The following SSBP3 variants were observed in gnomAD, a reference collection of about 807,000 sequenced individuals.
SSBP3 encodes the protein single-stranded DNA-binding protein 3.
A neutral mutation model predicts 69.6 loss-of-function variants in SSBP3; 5 were observed. That is an observed-to-expected ratio of 0.07 (90% confidence interval 0.04 to 0.15). The LOEUF (loss-of-function observed/expected upper bound fraction) is 0.15, where lower values mean the gene tolerates loss of function less well. SSBP3 is among the 10% of genes least tolerant of loss of function. The probability of loss-of-function intolerance (pLI) is 1.00; values close to 1 mark genes in which losing one functional copy is unlikely to be tolerated. For missense variants in SSBP3, 312 were observed against 534.0 expected (o/e 0.58, Z 4.10); for synonymous variants, 196 against 193.4 (o/e 1.01, Z -0.11).
intron 4 of SSBP3, among the ~76,000 whole-genome samples, chr1:54,350,466 A>C (rs992842394): frequency 6.6e-6 from 1 of 152,240 alleles, no homozygotes; most frequent in African/African-American, 2.4e-5. Context: ...TTCTCAAGTG[A>C]TTAACAGGTC....
chr1:54,273,545 G>C lies in SSBP3; in HGVS notation c.366+7893C>G, dbSNP rs554592470. On this transcript the variant is annotated intron_variant, in intron 5 of 17. Transcript: ENST00000610401. Reference sequence around the variant, plus strand: ...GCTGCCGGGCAGGGAAGGGAGCACAGCCTGACCTTTGCAGGGGAGGTGTTG... The same window carrying C: ...GCTGCCGGGCAGGGAAGGGAGCACACCCTGACCTTTGCAGGGGAGGTGTTG... Among the ~76,000 whole-genome samples the C allele has an allele frequency of 5.9e-5, 9 of 152,326 alleles. No homozygotes were observed. The South Asian group carries it at 1.9e-3, about 32-fold the overall frequency.
intron 4 of SSBP3, among the ~76,000 whole-genome samples, chr1:54,292,161 T>C (rs1427613997): frequency 2.0e-5 from 3 of 152,194 alleles, no homozygotes; most frequent in African/African-American, 7.2e-5. Flanking sequence ...CTTTCTCCCC[T>C]GCACTGCCTA....
intron 4 of SSBP3, among the ~76,000 whole-genome samples, chr1:54,344,551 G>A (rs774571395): frequency 6.6e-6 from 1 of 152,196 alleles, no homozygotes; most frequent in South Asian, 2.1e-4. Context: ...CTGCTTCCCC[G>A]TGATGACTGC....
chr1:54,370,874 C>T lies in SSBP3; in HGVS notation c.276+30987G>A, dbSNP rs371203624. 1.1e-3 allele frequency among the ~76,000 whole-genome samples: 167 copies of T among 151,978 alleles called. 1 individual carries two copies. Among genetic ancestry groups the T allele is most frequent in the African/African-American group, 3.7e-3 (154 of 41,430 alleles). On this transcript the variant is annotated intron_variant, in intron 4 of 17. Coordinates refer to ENST00000610401, the Ensembl canonical transcript of SSBP3. ...CTCAGCTCAATTTTAGACTTGGGAA[C>T]GGTTCCCCCGTCATACAAGATCAAG...
chr1:54,403,194 C>T (rs549204517), intron 3 of SSBP3, among the ~76,000 whole-genome samples: 1 of 152,266 alleles, frequency 6.6e-6, no homozygotes, highest in Non-Finnish European at 1.5e-5. Flanking sequence ...TACGTTCCTG[C>T]GGCTGAGATA....
intron 12 of SSBP3, 101 bp from the exon 13 acceptor site, chr1:54,241,060 A>G (rs2297027): frequency 0.6 from 792,419 of 1,314,584 alleles, 241,570 homozygotes; most frequent in African/African-American, 0.79. Context: ...TGCTCGCCCC[A>G]GGCCCAGCCG....
chr1:54,228,658 C>A, intron 15 of SSBP3, 90 bp downstream of exon 15: 1 of 1,507,548 alleles, frequency 6.6e-7, no homozygotes. Context: ...CCGGCCAGGG[C>A]TCTGTACCAA....
At chr1:54,273,539 A>G (rs1233207842) in intron 5 of SSBP3, among the ~76,000 whole-genome samples, 1 of 152,208 alleles carries the variant, frequency 6.6e-6, no homozygotes, top group Non-Finnish European at 1.5e-5. Context: ...CAGGGAAGGG[A>G]GCACAGCCTG....
In SSBP3 at chr1:54,267,388, C is replaced by A. The variant is rs137875250; in HGVS notation, c.367-9239G>T. On this transcript the variant is annotated intron_variant, in intron 5 of 17. Coordinates refer to ENST00000610401, the Ensembl canonical transcript of SSBP3. The stretch of plus-strand genomic sequence containing the variant: ...TACCCTGAGCTAAGTGCCGGAGACA[C>A]GTGAACAAGCAGTATTCTGCCCTTC... 1.6e-4 allele frequency among the ~76,000 whole-genome samples: 25 copies of A among 152,330 alleles called. 1 individual carries two copies. The highest frequency in any genetic ancestry group is 6.8e-3 in the Middle Eastern group (2 of 294).
At chr1:54,362,412 C>CA (rs1327173111) in intron 4 of SSBP3, among the ~76,000 whole-genome samples, 8 of 152,214 alleles carry the variant, frequency 5.3e-5, no homozygotes, top group Non-Finnish European at 8.8e-5. Flanking sequence ...AAGGGCCTGG[C>CA]AAAGAGTGAA....
At chr1:54,269,260 G>A (rs1645152794) in intron 5 of SSBP3, among the ~76,000 whole-genome samples, 1 of 152,140 alleles carries the variant, frequency 6.6e-6, no homozygotes, top group Non-Finnish European at 1.5e-5. Context: ...CCAATGCTGG[G>A]TGCTCTTCAG....
chr1:54,231,425 A>G (rs1018882454), intron 14 of SSBP3, among the ~76,000 whole-genome samples: 1 of 152,238 alleles, frequency 6.6e-6, no homozygotes, highest in Admixed American at 6.5e-5. Context: ...TTTTGAATTC[A>G]AGTCCCTTAT....
chr1:54,343,695 T>A (rs1646646044), intron 4 of SSBP3, among the ~76,000 whole-genome samples: 1 of 152,174 alleles, frequency 6.6e-6, no homozygotes, highest in East Asian at 1.9e-4. Context: ...TACGGCCCCA[T>A]AAAGGTTACA....
chr1:54,264,311 A>G (rs1645065653), intron 5 of SSBP3, among the ~76,000 whole-genome samples: 1 of 152,202 alleles, frequency 6.6e-6, no homozygotes, highest in Admixed American at 6.5e-5. Context: ...AAAACGAAAC[A>G]AAACAAAACC....
chr1:54,239,512 ACCACCACCTGTGCTCTCCTC>A (rs937890997), intron 13 of SSBP3, among the ~76,000 whole-genome samples: 105 of 152,098 alleles, frequency 6.9e-4, no homozygotes, highest in Non-Finnish European at 1.0e-3. Context: ...GGGCAGCAGA[ACCACCACCTGTGCTCTCCTC>A]CCACCACCTG....
chr1:54,332,685 A>C (rs901424664), intron 4 of SSBP3, among the ~76,000 whole-genome samples: 1 of 152,136 alleles, frequency 6.6e-6, no homozygotes, highest in Non-Finnish European at 1.5e-5. Flanking sequence ...AAGAGCTCCA[A>C]AAAGGCCACA....
intron 4 of SSBP3, among the ~76,000 whole-genome samples, chr1:54,376,558 A>G (rs1054554344): frequency 6.6e-6 from 1 of 152,146 alleles, no homozygotes; most frequent in Non-Finnish European, 1.5e-5. Flanking sequence ...CCTTCAACAT[A>G]TGGTCAGCCT....
At chr1:54,267,343 A>G (rs1645119323) in intron 5 of SSBP3, among the ~76,000 whole-genome samples, 1 of 152,218 alleles carries the variant, frequency 6.6e-6, no homozygotes, top group African/African-American at 2.4e-5. Flanking sequence ...CAGTCACTCT[A>G]ACTGGGCACT....
intron 5 of SSBP3, among the ~76,000 whole-genome samples, chr1:54,259,810 C>A (rs1644987972): frequency 6.6e-6 from 1 of 152,262 alleles, no homozygotes; most frequent in South Asian, 2.1e-4. Flanking sequence ...GAGCTGCTCA[C>A]TTCCGGAAAG....
Sources: gnomAD v4.1 joint callset for allele counts (sites outside exome capture counted in the v4.1 genomes callset) on GRCh38, gnomAD v4.1.1 for gene constraint, MANE v1.5 for transcripts, NCBI Gene and HGNC (gene_info 2026-07-23, HGNC 2026-07-21) for gene names.